KLKB1: variants seen among roughly 807,000 people sequenced by gnomAD.
KLKB1 encodes plasma kallikrein.
In KLKB1, 58 loss-of-function variants were observed where a neutral mutation model predicts 73.6. The observed-to-expected ratio is 0.79, with a 90% CI of 0.64 to 0.98. The LOEUF is 0.98. Ranked by LOEUF, KLKB1 falls within the 50% of genes least tolerant of loss-of-function variation. The probability of loss-of-function intolerance (pLI) is 0.00; values close to 1 mark genes in which losing one functional copy is unlikely to be tolerated. For synonymous variants in KLKB1, 280 were observed against 258.1 expected, an observed-to-expected ratio of 1.08 and a Z score of -0.81; for missense variants, 737 against 763.8, an observed-to-expected ratio of 0.96 and a Z score of 0.41.
At position 186,213,349 on chromosome 4, in the gene KLKB1, A is replaced by G. The variant is rs1463658668; in HGVS notation, c.201+4077A>G. 6.6e-6 allele frequency: 1 copy of G among 152,252 alleles called. No homozygotes were observed. The highest frequency in any genetic ancestry group is 1.5e-5 in the Non-Finnish European group (1 of 68,042). The allele number at this position is 152,252 out of a possible 1,614,324, so 9.4% of individuals were successfully genotyped here. ...AATAAATTCTATTTTAGATGCAGGT[A>G]CTGCATTTTATTCTAAGAATTGATA... On this transcript the variant is annotated intron_variant, in intron 2 of 14. Transcript: ENST00000511608.
Position 186,252,109 on chromosome 4 carries a change from AC to A in KLKB1, c.1238del (p.Thr413LysfsTer12), listed in dbSNP as rs760273460. 6.2e-7 allele frequency: 1 copy of A among 1,614,054 alleles called. No homozygotes were observed. The highest frequency in any genetic ancestry group is 1.3e-5 in the African/African-American group (1 of 75,058). On this transcript the variant is annotated frameshift_variant, in exon 11 of 15. Coordinates refer to ENST00000264690, the MANE Select transcript of KLKB1 (RefSeq NM_000892.5). LOFTEE classifies it high-confidence loss of function. ...GCAGGTGAGCCTGCAGGTGAAGCTG[AC>A]AGCTCAGAGGCACCTGTGTGGAGGG... ...PWQVSLQVKL[T>X]AQRHLCGGSL...
intron 12 of KLKB1, 59 bp downstream of exon 12, chr4:186,254,822 C>G (rs899875884): frequency 2.5e-5 from 36 of 1,447,410 alleles, no homozygotes; most frequent in Admixed American, 6.7e-5. Flanking sequence ...ATTTTCATAT[C>G]AGTTTGAACA....
In KLKB1 at chr4:186,251,792, A is replaced by G; in HGVS notation, c.1075A>G (p.Arg359Gly). ...ATTATCTATGGATGGTTCTCCAACTAGGATTGCGTATGGGACACAAGGGAG... is the reference window on the plus strand; with the variant it reads ...ATTATCTATGGATGGTTCTCCAACTGGGATTGCGTATGGGACACAAGGGAG... ...LRLSMDGSPT[R>G]IAYGTQGSSG... Residue 359 changes from arginine (R) to glycine (G), a missense_variant, in exon 10 of 15, where the codon AGG becomes GGG. Physicochemically the swap from Arg to Gly is moderately radical, Grantham distance 125. Coordinates refer to ENST00000264690, the MANE Select transcript of KLKB1 (RefSeq NM_000892.5). 1 of 1,614,118 alleles carries G rather than the reference A, an allele frequency of 6.2e-7. No homozygotes were observed.
chr4:186,257,066 G>T (rs1315212521), intron 13 of KLKB1, among the ~76,000 whole-genome samples, 160 bp from the exon 14 acceptor site: 1 of 151,814 alleles, frequency 6.6e-6, no homozygotes, highest in Non-Finnish European at 1.5e-5. Context: ...TGTATTCAAA[G>T]ATAAGGTCCT....
At chr4:186,245,700 A>G (rs542395595) in intron 6 of KLKB1, among the ~76,000 whole-genome samples, 1 of 152,168 alleles carries the variant, frequency 6.6e-6, no homozygotes, top group East Asian at 1.9e-4. Flanking sequence ...ATCGCAACTC[A>G]GAAATACATT....
chr4:186,217,793 A>T (rs1240971692), intron 2 of KLKB1, among the ~76,000 whole-genome samples: 1 of 152,220 alleles, frequency 6.6e-6, no homozygotes, highest in Non-Finnish European at 1.5e-5. Flanking sequence ...AAATAAAATT[A>T]AAATAGAGCT....
chr4:186,230,135 C>CT (rs1737324993), intron 2 of KLKB1, among the ~76,000 whole-genome samples: 1 of 152,104 alleles, frequency 6.6e-6, no homozygotes, highest in Non-Finnish European at 1.5e-5. Context: ...TCACCATGGG[C>CT]TTTTTGGCTC....
At chr4:186,226,309 G>A (rs1579989653), upstream of KLKB1, 1 of 152,088 alleles carries the variant, frequency 6.6e-6, no homozygotes, top group Non-Finnish European at 1.5e-5. Flanking sequence ...TCCTTCCTTT[G>A]GTGGTTTCTT....
At chr4:186,218,246 T>C (rs990943191) in intron 2 of KLKB1, among the ~76,000 whole-genome samples, 1 of 152,220 alleles carries the variant, frequency 6.6e-6, no homozygotes, top group Non-Finnish European at 1.5e-5. Flanking sequence ...GTTATATGAT[T>C]CTTTGGTAGG....
At chr4:186,214,379 G>C (rs188133399) in intron 2 of KLKB1, among the ~76,000 whole-genome samples, 1 of 152,206 alleles carries the variant, frequency 6.6e-6, no homozygotes, top group Non-Finnish European at 1.5e-5. Flanking sequence ...GACCAAAAGC[G>C]AGTTAGTGTG....
intron 5 of KLKB1, among the ~76,000 whole-genome samples, chr4:186,237,954 C>T (rs751020118): frequency 9.9e-5 from 15 of 152,034 alleles, no homozygotes; most frequent in African/African-American, 1.5e-4. Context: ...TGTCATTTTT[C>T]GCTTTCCTGA....
chr4:186,253,232 C>T (rs1738805035), intron 11 of KLKB1, among the ~76,000 whole-genome samples: 2 of 152,096 alleles, frequency 1.3e-5, no homozygotes, highest in Non-Finnish European at 2.9e-5. Flanking sequence ...ATATAAAAAG[C>T]AAAAGAAATA....
intron 2 of KLKB1, among the ~76,000 whole-genome samples, chr4:186,213,633 C>A (rs149967779): frequency 2.6e-4 from 39 of 152,286 alleles, no homozygotes; most frequent in Non-Finnish European, 3.4e-4. Context: ...TCAGCAAAAA[C>A]CACAGGCATC....
At chr4:186,231,953 C>CTA (rs767139832) in intron 2 of KLKB1, among the ~76,000 whole-genome samples, 174 bp from the exon 3 acceptor site, 3 of 152,124 alleles carry the variant, frequency 2.0e-5, no homozygotes, top group Non-Finnish European at 4.4e-5. Flanking sequence ...TTAAATAACA[C>CTA]TATACATTGT....
chr4:186,249,218 C>T (rs761881898), intron 6 of KLKB1, among the ~76,000 whole-genome samples: 6 of 152,128 alleles, frequency 3.9e-5, no homozygotes, highest in Non-Finnish European at 2.9e-5. Context: ...TTACCTAAAA[C>T]GCCAAAACCT....
chr4:186,238,290 A>G lies in KLKB1; in HGVS notation c.523A>G (p.Thr175Ala). The stretch of plus-strand genomic sequence containing the variant: ...CCTATTAAAGTACAGTCCCGGAGGA[A>G]CACCTACCGCTATAAAGGTGCTGAG... ...NCLLKYSPGG[T>A]PTAIKVLSNV... The change falls in exon 6 of 15, where the codon ACA becomes GCA. Residue 175 changes from threonine (T) to alanine (A), a missense_variant. Thr to Ala is a moderately conservative substitution (Grantham distance 58, BLOSUM62 0). Transcript: ENST00000264690. The G allele has an allele frequency of 6.2e-7, 1 of 1,613,778 alleles. No individual in the cohort carries two copies. The highest frequency in any genetic ancestry group is 1.1e-5 in the South Asian group (1 of 91,084).
intron 2 of KLKB1, among the ~76,000 whole-genome samples, chr4:186,218,391 C>T (rs930243949): frequency 3.3e-5 from 5 of 152,144 alleles, no homozygotes; most frequent in Non-Finnish European, 5.9e-5. Flanking sequence ...AACTACATGC[C>T]ACTAAATACT....
In KLKB1 at chr4:186,258,195, A is replaced by C. The variant is rs1359367153; in HGVS notation, c.1900A>C (p.Met634Leu). 3.1e-6 allele frequency: 5 copies of C among 1,614,090 alleles called. No homozygotes were observed. In the East Asian group the frequency reaches 1.1e-4, roughly 36 times the overall value. ...ACAGAGCAGTGATGGAAAAGCTCAG[A>C]TGCAGTCACCAGCATGAGAAGCAGT... is the stretch of plus-strand genomic sequence containing the variant. ...KTQSSDGKAQ[M>L]QSPA Residue 634 changes from methionine (M) to leucine (L), a missense_variant, in exon 15 of 15, where the codon ATG (methionine) becomes CTG (leucine). Physicochemically the swap from Met to Leu is conservative, Grantham distance 15 (BLOSUM62 2). Coordinates refer to ENST00000264690, the MANE Select transcript of KLKB1 (RefSeq NM_000892.5).
In KLKB1 at chr4:186,238,274, G is replaced by A. The variant is rs749169177; in HGVS notation, c.507G>A (p.Lys169=). The A allele has an allele frequency of 1.2e-6, 2 of 1,612,978 alleles. No individual in the cohort carries two copies. The highest frequency in any genetic ancestry group is 1.7e-6 in the Non-Finnish European group (2 of 1,178,950). ...KAEYRNNCLL[K]YSPGGTPTAI... The stretch of plus-strand genomic sequence containing the variant: ...CATTCAGGAACAATTGCCTATTAAA[G>A]TACAGTCCCGGAGGAACACCTACCG... The change falls in exon 6 of 15, where the codon AAG becomes AAA. Residue 169 remains lysine (K), a synonymous_variant. Coordinates refer to ENST00000264690, the MANE Select transcript of KLKB1 (RefSeq NM_000892.5).
Sources: allele counts gnomAD v4.1 joint callset (sites outside exome capture counted in the v4.1 genomes callset), GRCh38; gene constraint gnomAD v4.1.1; transcripts MANE v1.5; gene names NCBI Gene and HGNC (gene_info 2026-07-23, HGNC 2026-07-21).